SUMF1: variants seen among roughly 807,000 people sequenced by gnomAD.
The protein encoded by SUMF1 is sulfatase modifying factor 1, also known as formylglycine-generating enzyme.
In SUMF1, 48 loss-of-function variants were observed where a neutral mutation model predicts 47.6. The ratio of observed to expected loss-of-function variants is 1.01; its 90% CI spans 0.80 to 1.28. The LOEUF (loss-of-function observed/expected upper bound fraction) is 1.28. Among genes scored for constraint, SUMF1 ranks in the 50% most tolerant of loss-of-function variants. The pLI is 0.00. For synonymous variants in SUMF1, 230 were observed against 192.1 expected, an observed-to-expected ratio of 1.20 and a Z score of -1.63; for missense variants, 571 against 485.4, an observed-to-expected ratio of 1.18 and a Z score of -1.66.
intron 3 of SUMF1, among the ~76,000 whole-genome samples, chr3:4,423,589 C>T (rs1701975849): frequency 6.6e-6 from 1 of 152,126 alleles, no homozygotes; most frequent in Non-Finnish European, 1.5e-5. Context: ...TCCCAGGAAT[C>T]CTCAGAGTAT....
intron 8 of SUMF1, among the ~76,000 whole-genome samples, chr3:4,204,313 C>T (rs1695604625): frequency 6.6e-6 from 1 of 152,026 alleles, no homozygotes; most frequent in South Asian, 2.1e-4. Flanking sequence ...CTACTGTCTC[C>T]TGGTCTACAA....
Position 4,411,873 on chromosome 3 carries a change from G to C in SUMF1, c.841-895C>G, listed in dbSNP as rs60145275. Among the ~76,000 whole-genome samples the C allele has an allele frequency of 3.6e-3, 546 of 151,996 alleles. 3 individuals carry two copies. Among genetic ancestry groups the C allele is most frequent in the African/African-American group, 0.013 (522 of 41,438 alleles). On this transcript the variant is annotated intron_variant, in intron 6 of 8. Coordinates refer to ENST00000272902, the MANE Select transcript of SUMF1 (RefSeq NM_182760.4). The stretch of plus-strand genomic sequence containing the variant: ...TATATATGTATATCAAGTAATCCTT[G>C]GGGGTTTAAAAATCTTTTTGTAAAT...
Position 4,127,933 on chromosome 3 carries a change from A to T in SUMF1, c.1015-59188T>A, listed in dbSNP as rs975103703. ...TTAGAGACTTACACAAAATAAATGCATTTGACACTCCTGATTCATCGCTCA... is the reference window on the plus strand; with the variant it reads ...TTAGAGACTTACACAAAATAAATGCTTTTGACACTCCTGATTCATCGCTCA... On this transcript the variant is annotated intron_variant and NMD_transcript_variant, in intron 8 of 12. Coordinates refer to the SUMF1 transcript ENST00000448413. 2.0e-5 allele frequency among the ~76,000 whole-genome samples: 3 copies of T among 152,130 alleles called. No individual in the cohort carries two copies. In the South Asian group the frequency reaches 6.2e-4, roughly 32 times the overall value.
chr3:4,398,799 CT>C (rs1343439802), intron 7 of SUMF1, among the ~76,000 whole-genome samples: 1 of 152,140 alleles, frequency 6.6e-6, no homozygotes, highest in African/African-American at 2.4e-5. Flanking sequence ...CTTAAATTAT[CT>C]TTATATTTAT....
chr3:4,080,401 T>C (rs1282679898), intron 8 of SUMF1, among the ~76,000 whole-genome samples: 2 of 152,144 alleles, frequency 1.3e-5, no homozygotes, highest in East Asian at 3.9e-4. Context: ...TGTCCCAGTT[T>C]ATCTCCAGCC....
At chr3:4,322,862 T>C (rs1356375331) in intron 8 of SUMF1, among the ~76,000 whole-genome samples, 9 of 152,088 alleles carry the variant, frequency 5.9e-5, no homozygotes, top group Non-Finnish European at 1.5e-5. Context: ...ATTGAAAACA[T>C]GTCTACAAAA....
At chr3:4,111,251 T>A (rs2125069890) in intron 8 of SUMF1, among the ~76,000 whole-genome samples, 1 of 152,110 alleles carries the variant, frequency 6.6e-6, no homozygotes, top group Non-Finnish European at 1.5e-5. Flanking sequence ...TTCCCGCCAA[T>A]ACTGTATTTT....
Position 4,300,701 on chromosome 3 carries a change from T to G in SUMF1, c.1014+75629A>C, listed in dbSNP as rs537884446. On this transcript the variant is annotated intron_variant and NMD_transcript_variant, in intron 8 of 12. Transcript: ENST00000448413. ...AAAAAAGCAAGTCACTAAAAAATGT[T>G]TTGCCCTTGAAGTGGGTGTGAGTGA... Among the ~76,000 whole-genome samples the G allele has an allele frequency of 2.6e-5, 4 of 152,320 alleles. No homozygotes were observed. The East Asian group carries it at 5.8e-4, about 22-fold the overall frequency.
chr3:4,048,439 C>A lies in SUMF1; in HGVS notation c.1191+20130G>T, dbSNP rs371259798. ...AGCAGAGTCTTATGGCTCAAAGTGG[C>A]AGAACCAGAATTTAAACCCAGGTCT... is the stretch of plus-strand genomic sequence containing the variant. On this transcript the variant is annotated intron_variant and NMD_transcript_variant, in intron 9 of 12. Transcript: ENST00000448413. Among the ~76,000 whole-genome samples, 35 of 152,270 alleles carry A rather than the reference C, an allele frequency of 2.3e-4. No homozygotes were observed. In the South Asian group the frequency reaches 5.2e-3, roughly 23 times the overall value.
chr3:4,410,921 C>T lies in SUMF1; in HGVS notation c.898G>A (p.Glu300Lys). 6.2e-7 allele frequency: 1 copy of T among 1,614,086 alleles called. No individual in the cohort carries two copies. Among genetic ancestry groups the T allele is most frequent in the East Asian group, 2.2e-5 (1 of 44,876 alleles). ...ACAGTCCACCAGTCTGAAGTCCATT[C>T]CCATGCGTTCCCCACTATGTTGTAT... The part of the protein sequence containing the change: ...GLYNIVGNAW[E>K]WTSDWWTVHH... The change falls in exon 7 of 9, where the codon GAA (glutamate) becomes AAA (lysine). Residue 300 changes from glutamate (E) to lysine (K), a missense_variant. Physicochemically the swap from Glu to Lys is moderately conservative, Grantham distance 56 (BLOSUM62 1). Transcript: ENST00000272902.
rs576771802 is a variant in SUMF1, at chr3:4,251,994, T to G, written c.1014+124336A>C. Among the ~76,000 whole-genome samples the G allele has an allele frequency of 5.2e-3, 789 of 152,328 alleles. 4 individuals carry two copies. Among genetic ancestry groups the G allele is most frequent in the Middle Eastern group, 0.027 (8 of 294 alleles). On this transcript the variant is annotated intron_variant and NMD_transcript_variant, in intron 8 of 12. Coordinates refer to the SUMF1 transcript ENST00000448413. ...AACCAAATTTTCATGTGACTCACTT[T>G]ATGACAATATTCAATTTGTTGTGCT...
chr3:4,078,294 C>T (rs1430810346), intron 8 of SUMF1, among the ~76,000 whole-genome samples: 1 of 139,862 alleles, frequency 7.1e-6, no homozygotes, highest in African/African-American at 2.7e-5. Context: ...TGGTGTGTTA[C>T]CAGAGTAATG....
At chr3:4,204,855 T>C (rs777712532) in intron 8 of SUMF1, among the ~76,000 whole-genome samples, 4 of 152,102 alleles carry the variant, frequency 2.6e-5, no homozygotes, top group Admixed American at 6.6e-5. Context: ...AATTACTTTG[T>C]TAAGTTTATC....
At chr3:4,331,465 C>A (rs1699050642) in intron 8 of SUMF1, among the ~76,000 whole-genome samples, 1 of 152,080 alleles carries the variant, frequency 6.6e-6, no homozygotes, top group Admixed American at 6.6e-5. Context: ...TAATTATGTA[C>A]CAGATGCAAA....
At chr3:4,244,976 T>C (rs1014493151) in intron 8 of SUMF1, among the ~76,000 whole-genome samples, 2 of 152,090 alleles carry the variant, frequency 1.3e-5, no homozygotes, top group Non-Finnish European at 2.9e-5. Context: ...TCTTGCTTTA[T>C]TTCATTAATT....
At chr3:4,303,473 G>A (rs1400343223) in intron 8 of SUMF1, 1 of 1,521,212 alleles carries the variant, frequency 6.6e-7, no homozygotes, top group Non-Finnish European at 8.8e-7. Context: ...GTGCGGCCAG[G>A]AAAACTTGCC....
At chr3:4,218,839 C>T (rs1357716090) in intron 8 of SUMF1, among the ~76,000 whole-genome samples, 2 of 152,154 alleles carry the variant, frequency 1.3e-5, no homozygotes, top group Non-Finnish European at 2.9e-5. Context: ...GGTCTAATTA[C>T]ACAAGCTGTT....
At chr3:4,303,497 C>T (rs1488906060) in intron 8 of SUMF1, 6 of 1,462,204 alleles carry the variant, frequency 4.1e-6, no homozygotes, top group Admixed American at 3.0e-5. Context: ...GGGCGCGTGG[C>T]CCCCGGGGGC....
In SUMF1 at chr3:4,467,006, T is replaced by C. The variant is rs766851609; in HGVS notation, c.240A>G (p.Val80=). Residue 80 remains valine, a synonymous_variant, in exon 1 of 9, where the codon GTA becomes GTG. Coordinates refer to ENST00000272902, the MANE Select transcript of SUMF1 (RefSeq NM_182760.4). ...YSREANAPGP[V]PGERQLAHSK... ...AGTGCGCGAGTTGCCGCTCTCCGGG[T>C]ACGGGGCCCGGAGCGTTAGCCTCCC... is the stretch of plus-strand genomic sequence containing the variant. The C allele has an allele frequency of 4.4e-6, 7 of 1,597,000 alleles. No individual in the cohort carries two copies. In the African/African-American group the frequency reaches 5.4e-5, roughly 12 times the overall value.
Sources: gnomAD v4.1 joint callset for allele counts (sites outside exome capture counted in the v4.1 genomes callset) on GRCh38, gnomAD v4.1.1 for gene constraint, MANE v1.5 for transcripts, NCBI Gene and HGNC (gene_info 2026-07-23, HGNC 2026-07-21) for gene names.